The following PARD3B variants were observed in gnomAD, a reference collection of about 807,000 sequenced individuals.
The protein encoded by PARD3B is par-3 family cell polarity regulator beta.
PARD3B carries 103 observed loss-of-function variants against 130.2 expected under a neutral mutation model. The ratio of observed to expected loss-of-function variants is 0.79; its 90% CI spans 0.67 to 0.93. PARD3B has a LOEUF of 0.93. PARD3B is among the 40% of genes least tolerant of loss of function. The pLI, the probability that PARD3B is intolerant of heterozygous loss-of-function variation, is 0.00. For missense variants in PARD3B, 1,609 were observed against 1,499.2 expected (o/e 1.07, Z -1.21); for synonymous variants, 583 against 553.2 (o/e 1.05, Z -0.76).
intron 20 of PARD3B, among the ~76,000 whole-genome samples, chr2:205,449,001 T>C (rs2048004040): frequency 6.6e-6 from 1 of 151,634 alleles, no homozygotes; most frequent in Non-Finnish European, 1.5e-5. Flanking sequence ...ACCCCATCTC[T>C]ACTAAAAATA....
chr2:204,631,083 C>A (rs1234336336), intron 1 of PARD3B, among the ~76,000 whole-genome samples: 1 of 151,984 alleles, frequency 6.6e-6, no homozygotes, highest in Non-Finnish European at 1.5e-5. Context: ...TTGATGTTGA[C>A]ATTTTAGTGC....
intron 2 of PARD3B, among the ~76,000 whole-genome samples, chr2:204,734,329 G>T (rs577457060): frequency 6.6e-6 from 1 of 152,316 alleles, no homozygotes; most frequent in Non-Finnish European, 1.5e-5. Context: ...TCAGAATTTA[G>T]AATAGTCTAA....
chr2:205,401,746 C>T (rs1422008915), intron 19 of PARD3B, among the ~76,000 whole-genome samples: 1 of 152,140 alleles, frequency 6.6e-6, no homozygotes, highest in African/African-American at 2.4e-5. Context: ...TTAACTCTGG[C>T]ACTTATCGCA....
intron 3 of PARD3B, among the ~76,000 whole-genome samples, chr2:205,019,429 T>C (rs1404630072): frequency 6.6e-6 from 1 of 152,188 alleles, no homozygotes; most frequent in African/African-American, 2.4e-5. Context: ...CTATTATGAA[T>C]AGTGATGCTG....
At chr2:205,054,013 G>GCTTTGTTTTTAAGAGATAAAAA (rs1699418741) in intron 4 of PARD3B, among the ~76,000 whole-genome samples, 4 of 152,020 alleles carry the variant, frequency 2.6e-5, no homozygotes, top group Admixed American at 2.0e-4. Flanking sequence ...TGCAACGATG[G>GCTTTGTTTTTAAGAGATAAAAA]CTTTCATATG....
chr2:205,206,891 C>T (rs2037348578), intron 15 of PARD3B, among the ~76,000 whole-genome samples: 1 of 149,484 alleles, frequency 6.7e-6, no homozygotes, highest in African/African-American at 2.5e-5. Context: ...CAGAACTCTC[C>T]ACCCCAAATC....
chr2:205,315,724 C>A (rs556216978), intron 18 of PARD3B, among the ~76,000 whole-genome samples: 1 of 152,292 alleles, frequency 6.6e-6, no homozygotes, highest in South Asian at 2.1e-4. Flanking sequence ...CACTCTTACT[C>A]TCTTCACTGT....
At chr2:204,939,793 G>A (rs1227838570) in intron 2 of PARD3B, among the ~76,000 whole-genome samples, 1 of 152,094 alleles carries the variant, frequency 6.6e-6, no homozygotes, top group Non-Finnish European at 1.5e-5. Context: ...TTTCTTTAGG[G>A]AAACCCTACC....
chr2:205,462,697 G>T (rs2048491734), intron 20 of PARD3B, among the ~76,000 whole-genome samples: 1 of 152,056 alleles, frequency 6.6e-6, no homozygotes, highest in Non-Finnish European at 1.5e-5. Flanking sequence ...TTTATTCTTG[G>T]AATCTCTGTA....
intron 21 of PARD3B, among the ~76,000 whole-genome samples, chr2:205,536,886 G>C (rs534621928): frequency 1.2e-4 from 19 of 152,162 alleles, no homozygotes; most frequent in Non-Finnish European, 2.6e-4. Flanking sequence ...CTGATTTATA[G>C]ATGGACATGG....
chr2:205,060,642 GA>G (rs1700012724), intron 4 of PARD3B, among the ~76,000 whole-genome samples: 1 of 152,096 alleles, frequency 6.6e-6, no homozygotes, highest in East Asian at 1.9e-4. Flanking sequence ...GCATTTAGCA[GA>G]CTGTGGGTGC....
chr2:205,273,214 T>A (rs2040808134), intron 16 of PARD3B, among the ~76,000 whole-genome samples: 2 of 152,230 alleles, frequency 1.3e-5, no homozygotes, highest in African/African-American at 4.8e-5. Context: ...AATTTTCACT[T>A]TAACAGTTGC....
chr2:204,892,637 A>G (rs2046492241), intron 2 of PARD3B, among the ~76,000 whole-genome samples: 1 of 152,180 alleles, frequency 6.6e-6, no homozygotes, highest in South Asian at 2.1e-4. Context: ...ATAGGGGTGG[A>G]AGTGTCAAAT....
At chr2:205,144,073 G>A (rs535997063) in intron 10 of PARD3B, among the ~76,000 whole-genome samples, 4 of 152,184 alleles carry the variant, frequency 2.6e-5, no homozygotes, top group Non-Finnish European at 4.4e-5. Context: ...TGTTTGGAGA[G>A]TACTTTCCAA....
intron 3 of PARD3B, among the ~76,000 whole-genome samples, chr2:204,997,452 G>C (rs1694328230): frequency 1.3e-5 from 2 of 152,096 alleles, no homozygotes; most frequent in African/African-American, 4.8e-5. Context: ...TCTTCATAAA[G>C]TTTTTGTACC....
intron 1 of PARD3B, among the ~76,000 whole-genome samples, chr2:204,683,265 A>G (rs987675084): frequency 6.6e-6 from 1 of 152,224 alleles, no homozygotes. Flanking sequence ...TTTAAAAGCT[A>G]TGTGTACCAC....
In PARD3B at chr2:205,585,064, C is replaced by A. The variant is rs959546998; in HGVS notation, c.3261-30392C>A. Reference sequence around the variant, plus strand: ...GCTGATTATGGGCAGAAAATGGCACCAACCAAAATGGAGGCCTGGATAGTG... The same window carrying A: ...GCTGATTATGGGCAGAAAATGGCACAAACCAAAATGGAGGCCTGGATAGTG... On this transcript the variant is annotated intron_variant, in intron 22 of 22. Transcript: ENST00000406610. The surrounding 1 kb of genome is among the most constrained non-coding windows in gnomAD (Gnocchi z 5.4). 6.6e-6 allele frequency among the ~76,000 whole-genome samples: 1 copy of A among 152,144 alleles called. No homozygotes were observed. Among genetic ancestry groups the A allele is most frequent in the Non-Finnish European group, 1.5e-5 (1 of 68,016 alleles).
At chr2:205,534,767 C>T (rs2051767109) in intron 21 of PARD3B, among the ~76,000 whole-genome samples, 1 of 152,174 alleles carries the variant, frequency 6.6e-6, no homozygotes, top group African/African-American at 2.4e-5. Flanking sequence ...CTGCACCCAG[C>T]CTAACCATTC....
Position 205,615,688 on chromosome 2 carries a change from C to T in PARD3B, c.3493C>T (p.Gln1165Ter). 6.2e-7 allele frequency: 1 copy of T among 1,614,152 alleles called. No homozygotes were observed. The highest frequency in any genetic ancestry group is 1.1e-5 in the South Asian group (1 of 91,076). ...ACAAGACGTTCCGCCTTCCCCTCCC[C>T]AGCACCAAAGAATGCCAGCCTATCA... The part of the protein sequence containing the change: ...FRQDVPPSPP[Q>*]HQRMPAYQET... Residue 1165 changes from glutamine to a stop codon, truncating the protein, a stop_gained, in exon 23 of 23, where the codon CAG becomes TAG. Transcript: ENST00000406610. LOFTEE classifies it high-confidence loss of function.
Sources: allele counts gnomAD v4.1 joint callset (sites outside exome capture counted in the v4.1 genomes callset), GRCh38; gene constraint gnomAD v4.1.1; non-coding constraint Gnocchi (gnomAD v3.1); transcripts MANE v1.5; gene names NCBI Gene and HGNC (gene_info 2026-07-23, HGNC 2026-07-21).